CTH: variants seen among roughly 807,000 people sequenced by gnomAD.
CTH encodes the protein cystathionase (cystathionine gamma-lyase).
CTH carries 41 observed loss-of-function variants against 50.6 expected under a neutral mutation model. The observed-to-expected ratio is 0.81, with a 90% confidence interval of 0.63 to 1.05. The LOEUF (loss-of-function observed/expected upper bound fraction) is 1.05, where lower values mean the gene tolerates loss of function less well. Ranked by LOEUF, CTH falls within the 50% of genes least tolerant of loss-of-function variation. The pLI is 0.00. For synonymous variants in CTH, 156 were observed against 168.9 expected (o/e 0.92, Z 0.59); for missense variants, 470 against 492.6 (o/e 0.95, Z 0.43).
chr1:70,413,742 T>TC lies in CTH; in HGVS notation c.168+2159_168+2160insC, dbSNP rs1286428854. 2.7e-5 allele frequency among the ~76,000 whole-genome samples: 4 copies of TC among 146,452 alleles called. 1 individual carries two copies. Among genetic ancestry groups the TC allele is most frequent in the Admixed American group, 6.8e-5 (1 of 14,734 alleles). On this transcript the variant is annotated intron_variant, in intron 1 of 11. Coordinates refer to ENST00000370938, the MANE Select transcript of CTH (RefSeq NM_001902.6). ...CCACAAAAACTCTGCTTAATATCTT[T>TC]TTTTTTTTTTTTTTTTTGAGACAGA... is the stretch of plus-strand genomic sequence containing the variant.
chr1:70,439,784 A>C lies in CTH; in HGVS notation c.*657A>C, dbSNP rs1447653250. 3 of 152,228 alleles carry C rather than the reference A, an allele frequency of 2.0e-5. No homozygotes were observed. The highest frequency in any genetic ancestry group is 7.2e-5 in the African/African-American group (3 of 41,406). The allele number at this position is 152,228 out of a possible 1,614,324, so 9.4% of individuals were successfully genotyped here. On this transcript the variant is annotated 3_prime_UTR_variant, in exon 12 of 12. Transcript: ENST00000370938. ...GCAGTGAAACCCCCATCTCTACTAA[A>C]AATGCAAAAAAAATTAGACGGACGT...
Position 70,432,829 on chromosome 1 carries a change from G to A in CTH, c.877+594G>A, listed in dbSNP as rs1392359417. Among the ~76,000 whole-genome samples, 8 of 151,910 alleles carry A rather than the reference G, an allele frequency of 5.3e-5. No individual in the cohort carries two copies. In the East Asian group the frequency reaches 1.6e-3, roughly 29 times the overall value. On this transcript the variant is annotated intron_variant, in intron 8 of 11. Coordinates refer to ENST00000370938, the MANE Select transcript of CTH (RefSeq NM_001902.6). ...CTCCCGAGTAGCTGGGATTACAGGT[G>A]CCCGCCACCACGCCCAGCTATTTTT... is the stretch of plus-strand genomic sequence containing the variant.
In CTH at chr1:70,424,431, T is replaced by C; in HGVS notation, c.588+15T>C. 6.2e-7 allele frequency: 1 copy of C among 1,604,022 alleles called. No individual in the cohort carries two copies. The highest frequency in any genetic ancestry group is 8.5e-7 in the Non-Finnish European group (1 of 1,173,760). On this transcript the variant is annotated intron_variant, in intron 5 of 11. Transcript: ENST00000370938. ...CATATTTCCAGGTAAATGAAAATAA[T>C]TTTTTTTGGCACAATTAGTAGACCA...
chr1:70,411,702 A>G, intron 1 of CTH, 119 bp downstream of exon 1: 1 of 1,463,212 alleles, frequency 6.8e-7, no homozygotes, highest in Non-Finnish European at 9.0e-7. Context: ...GGCAACCGAA[A>G]GATGTTTCTA....
chr1:70,411,386 T>A lies in CTH; in HGVS notation c.-30T>A. 2 of 1,612,858 alleles carry A rather than the reference T, an allele frequency of 1.2e-6. No individual in the cohort carries two copies. Among genetic ancestry groups the A allele is most frequent in the Non-Finnish European group, 1.7e-6 (2 of 1,178,860 alleles). ...TCGACTGGTTATATCTTCGGTGTTC[T>A]TTTCCTCTCTTCTTCTTTCGCGGTT... is the stretch of plus-strand genomic sequence containing the variant. On this transcript the variant is annotated 5_prime_UTR_variant, in exon 1 of 12. Transcript: ENST00000370938.
At chr1:70,426,734 A>G (rs1684353677) in intron 5 of CTH, among the ~76,000 whole-genome samples, 1 of 152,138 alleles carries the variant, frequency 6.6e-6, no homozygotes, top group South Asian at 2.1e-4. Flanking sequence ...TCTATTTGGC[A>G]TCTTCTATTT....
intron 1 of CTH, among the ~76,000 whole-genome samples, chr1:70,414,706 TC>T (rs1684049478): frequency 6.6e-6 from 1 of 152,164 alleles, no homozygotes. Context: ...GTTTTGACAC[TC>T]CCTAGGTACT....
chr1:70,419,451 G>C (rs1190135061), intron 3 of CTH, among the ~76,000 whole-genome samples: 1 of 152,152 alleles, frequency 6.6e-6, no homozygotes, highest in African/African-American at 2.4e-5. Context: ...CAGTGTAAAA[G>C]TGTTCCTATT....
At chr1:70,432,876 G>T (rs1216811083) in intron 8 of CTH, among the ~76,000 whole-genome samples, 1 of 151,848 alleles carries the variant, frequency 6.6e-6, no homozygotes, top group African/African-American at 2.4e-5. Context: ...TAAAGACGGG[G>T]TTTCACCATG....
chr1:70,437,151 A>G (rs935038979), intron 10 of CTH, among the ~76,000 whole-genome samples: 1 of 152,148 alleles, frequency 6.6e-6, no homozygotes, highest in Admixed American at 6.5e-5. Flanking sequence ...CCTAAATCTC[A>G]ATTTCCTCAA....
In CTH at chr1:70,429,824, A is replaced by C. The variant is rs146873974; in HGVS notation, c.619A>C (p.Met207Leu). Residue 207 changes from methionine (M) to leucine (L), a missense_variant, in exon 6 of 12, where the codon ATG becomes CTG. By Grantham distance (15) the Met-to-Leu change is conservative (BLOSUM62 2). Coordinates refer to ENST00000370938, the MANE Select transcript of CTH (RefSeq NM_001902.6). Reference protein sequence around the residue: ...RPLALGADISMYSATKYMNGH... With the variant: ...RPLALGADISLYSATKYMNGH... Reference sequence around the variant, plus strand: ...TTTGGCTCTGGGAGCTGATATTTCTATGTATTCTGCAACAAAATACATGAA... The same window carrying C: ...TTTGGCTCTGGGAGCTGATATTTCTCTGTATTCTGCAACAAAATACATGAA... 1 of 1,613,270 alleles carries C rather than the reference A, an allele frequency of 6.2e-7. No individual in the cohort carries two copies. Among genetic ancestry groups the C allele is most frequent in the Non-Finnish European group, 8.5e-7 (1 of 1,179,352 alleles).
intron 3 of CTH, 152 bp from the exon 4 acceptor site, chr1:70,421,414 C>T: frequency 1.3e-6 from 1 of 781,832 alleles, no homozygotes; most frequent in Non-Finnish European, 2.1e-6. Context: ...TATCAGATAG[C>T]CAAACTATTT....
In CTH at chr1:70,424,477, A is replaced by G. The variant is rs1572261227; in HGVS notation, c.588+61A>G. 3.1e-6 allele frequency: 5 copies of G among 1,607,098 alleles called. No individual in the cohort carries two copies. The East Asian group carries it at 1.1e-4, about 36-fold the overall frequency. On this transcript the variant is annotated intron_variant, in intron 5 of 11. Coordinates refer to ENST00000370938, the MANE Select transcript of CTH (RefSeq NM_001902.6). Reference sequence around the variant, plus strand: ...GACCACATATATCTGTAATTAGGAAAGAAAGGACTTGCTTAAATTAAAATC... The same window carrying G: ...GACCACATATATCTGTAATTAGGAAGGAAAGGACTTGCTTAAATTAAAATC...
At position 70,435,052 on chromosome 1, in the gene CTH, A is replaced by G. The variant is rs185090766; in HGVS notation, c.1000-73A>G. The G allele has an allele frequency of 1.2e-3, 1,655 of 1,437,028 alleles. 12 individuals are homozygous for G. Among genetic ancestry groups the G allele is most frequent in the Non-Finnish European group, 2.5e-4 (268 of 1,060,808 alleles). 89.0% of individuals were successfully genotyped at this position (1,437,028 alleles called of 1,614,324 possible). On this transcript the variant is annotated intron_variant, in intron 9 of 11. Transcript: ENST00000370938. The stretch of plus-strand genomic sequence containing the variant: ...AGGCATGAGCCACTGTGCCTGGCCT[A>G]AAAACATTTATTTTTAGATTTTAGT...
intron 7 of CTH, among the ~76,000 whole-genome samples, chr1:70,431,681 AAT>A (rs1381876001): frequency 6.6e-6 from 1 of 152,248 alleles, no homozygotes; most frequent in East Asian, 1.9e-4. Flanking sequence ...GGCTAAATAG[AAT>A]ATTAGTAGAA....
chr1:70,438,556 T>C (rs554134380), intron 10 of CTH, 132 bp from the exon 11 acceptor site: 1 of 912,900 alleles, frequency 1.1e-6, no homozygotes, highest in African/African-American at 1.6e-5. Flanking sequence ...TTTTTGCCTG[T>C]GAATTATAGG....
chr1:70,413,264 T>C (rs1444459958), intron 1 of CTH, among the ~76,000 whole-genome samples: 2 of 151,236 alleles, frequency 1.3e-5, no homozygotes, highest in Non-Finnish European at 2.9e-5. Flanking sequence ...TCTTTCTTTT[T>C]TTTTTTTTTT....
chr1:70,424,212 T>G, intron 4 of CTH, 73 bp from the exon 5 acceptor site: 1 of 1,609,772 alleles, frequency 6.2e-7, no homozygotes, highest in Non-Finnish European at 8.5e-7. Flanking sequence ...CTTCCCAGAT[T>G]GTTACAATAT....
intron 7 of CTH, among the ~76,000 whole-genome samples, chr1:70,431,411 G>A (rs762528736): frequency 5.9e-5 from 9 of 151,774 alleles, no homozygotes; most frequent in Non-Finnish European, 1.0e-4. Flanking sequence ...ATTTTAAATA[G>A]CACTTACAGT....
Sources: allele counts gnomAD v4.1 joint callset (sites outside exome capture counted in the v4.1 genomes callset), GRCh38; gene constraint gnomAD v4.1.1; transcripts MANE v1.5; gene names NCBI Gene and HGNC (gene_info 2026-07-23, HGNC 2026-07-21).